The following SLC44A5 variants were observed in gnomAD, a reference collection of about 807,000 sequenced individuals.
The protein encoded by SLC44A5 is solute carrier family 44 member 5.
SLC44A5 carries 57 observed loss-of-function variants against 101.8 expected under a neutral mutation model. The ratio of observed to expected loss-of-function variants is 0.56; its 90% CI spans 0.45 to 0.70. The LOEUF (loss-of-function observed/expected upper bound fraction) is 0.70. Ranked by LOEUF, SLC44A5 falls within the 30% of genes least tolerant of loss-of-function variation. SLC44A5 has a pLI of 0.00. For synonymous variants in SLC44A5, 281 were observed against 290.9 expected (o/e 0.97, Z 0.35); for missense variants, 737 against 853.1 (o/e 0.86, Z 1.70).
chr1:75,376,083 C>T (rs549262441), intron 3 of SLC44A5, among the ~76,000 whole-genome samples: 1 of 152,226 alleles, frequency 6.6e-6, no homozygotes, highest in Non-Finnish European at 1.5e-5. Flanking sequence ...GACGGACGCA[C>T]CTGGAAAATT....
At chr1:75,675,747 T>G in the SLC44A5 span, among the ~76,000 whole-genome samples, 2 of 152,112 alleles carry the variant, frequency 1.3e-5, no homozygotes, top group South Asian at 2.1e-4. Flanking sequence ...CAAAAGAAAC[T>G]ATCATCAGAG....
At chr1:75,308,598 T>G (rs1201951064) in intron 4 of SLC44A5, among the ~76,000 whole-genome samples, 2 of 152,196 alleles carry the variant, frequency 1.3e-5, no homozygotes, top group African/African-American at 4.8e-5. Context: ...ACTGCTTATA[T>G]TACAGGTGGG....
chr1:75,242,305 C>A (rs993581378), intron 8 of SLC44A5, among the ~76,000 whole-genome samples: 4 of 151,928 alleles, frequency 2.6e-5, no homozygotes, highest in African/African-American at 9.7e-5. Context: ...ACAAGGAACA[C>A]CTTTGGAGGT....
chr1:75,209,050 G>A (rs1319167806), intron 23 of SLC44A5, among the ~76,000 whole-genome samples: 2 of 152,174 alleles, frequency 1.3e-5, no homozygotes, highest in Non-Finnish European at 2.9e-5. Context: ...AGGGGAGGAA[G>A]AGAAACACAA....
chr1:75,597,187 CAAA>C (rs36100438), intron 1 of SLC44A5, among the ~76,000 whole-genome samples: 1 of 102,990 alleles, frequency 9.7e-6, no homozygotes, highest in East Asian at 3.5e-4. Context: ...GACTTTGTCT[CAAA>C]AAAAAAAAAA....
intron 5 of SLC44A5, among the ~76,000 whole-genome samples, chr1:75,280,427 GTA>G (rs1226408872): frequency 6.5e-5 from 6 of 92,526 alleles, no homozygotes; most frequent in African/African-American, 2.5e-4. Context: ...TATATATATT[GTA>G]TATATTATAT....
chr1:75,206,019 T>C (rs1646743815), intron 23 of SLC44A5: 1 of 152,194 alleles, frequency 6.6e-6, no homozygotes, highest in Non-Finnish European at 1.5e-5. Context: ...TTTTACCCAG[T>C]AATGCTCTCC....
chr1:75,706,536 A>T, the SLC44A5 span, among the ~76,000 whole-genome samples: 14 of 152,056 alleles, frequency 9.2e-5, no homozygotes, highest in African/African-American at 3.4e-4. Flanking sequence ...AAAATTACCT[A>T]GTGTGATTGT....
chr1:75,338,265 C>T (rs967269026), intron 4 of SLC44A5, among the ~76,000 whole-genome samples: 16 of 148,510 alleles, frequency 1.1e-4, no homozygotes, highest in African/African-American at 3.7e-4. Context: ...TTAGACTTTA[C>T]CTGAACTACA....
At chr1:75,545,263 G>T (rs1308882455) in intron 1 of SLC44A5, among the ~76,000 whole-genome samples, 2 of 152,120 alleles carry the variant, frequency 1.3e-5, no homozygotes, top group Non-Finnish European at 2.9e-5. Flanking sequence ...ATCGTTGATA[G>T]ACATTTGGGT....
intron 2 of SLC44A5, among the ~76,000 whole-genome samples, chr1:75,514,447 A>G (rs1327609366): frequency 6.6e-6 from 1 of 152,196 alleles, no homozygotes; most frequent in Admixed American, 6.5e-5. Context: ...CCCCAAAGGA[A>G]ATGCTAACAT....
At chr1:75,670,749 C>T in the SLC44A5 span, among the ~76,000 whole-genome samples, 1 of 152,078 alleles carries the variant, frequency 6.6e-6, no homozygotes. Flanking sequence ...AAGATAGAAA[C>T]CACACCCCCT....
chr1:75,469,208 C>T (rs962748020), intron 2 of SLC44A5, among the ~76,000 whole-genome samples: 1 of 152,048 alleles, frequency 6.6e-6, no homozygotes, highest in Non-Finnish European at 1.5e-5. Flanking sequence ...TCTTTGAAGG[C>T]TGGTCTGTAT....
chr1:75,672,050 CA>C, the SLC44A5 span, among the ~76,000 whole-genome samples: 39,149 of 151,866 alleles, frequency 0.26, 5,358 homozygotes, highest in Middle Eastern at 0.37. Context: ...ACCAACTATC[CA>C]CCCAAAAAAG....
chr1:75,388,263 A>C (rs546763550), intron 3 of SLC44A5, among the ~76,000 whole-genome samples: 1 of 151,910 alleles, frequency 6.6e-6, no homozygotes, highest in South Asian at 2.1e-4. Context: ...TAAAAAAAAA[A>C]AAAGAAAATT....
the SLC44A5 span, among the ~76,000 whole-genome samples, chr1:75,638,892 A>G: frequency 6.6e-6 from 1 of 152,072 alleles, no homozygotes; most frequent in African/African-American, 2.4e-5. Flanking sequence ...TCTTCTGCCA[A>G]TTGCAACAAT....
chr1:75,723,029 C>G, the SLC44A5 span, among the ~76,000 whole-genome samples: 1 of 152,326 alleles, frequency 6.6e-6, no homozygotes, highest in Non-Finnish European at 1.5e-5. Flanking sequence ...CCTTTCTCAG[C>G]ATTCCACAAG....
At chr1:75,369,192 AT>A (rs1660063679) in intron 3 of SLC44A5, among the ~76,000 whole-genome samples, 1 of 150,704 alleles carries the variant, frequency 6.6e-6, no homozygotes, top group African/African-American at 2.4e-5. Context: ...TTTTTTTTTA[AT>A]TTTTTGAAGA....
intron 2 of SLC44A5, among the ~76,000 whole-genome samples, chr1:75,408,052 G>A (rs536032520): frequency 2.0e-5 from 3 of 152,292 alleles, no homozygotes; most frequent in Non-Finnish European, 4.4e-5. Context: ...AGTGGGTGAA[G>A]GATATGAACA....
Sources: allele counts gnomAD v4.1 joint callset (sites outside exome capture counted in the v4.1 genomes callset), GRCh38; gene constraint gnomAD v4.1.1; transcripts MANE v1.5; gene names NCBI Gene and HGNC (gene_info 2026-07-23, HGNC 2026-07-21).